Variants in MCUB observed in about 807,000 individuals in gnomAD.
The protein encoded by MCUB is calcium uniporter regulatory subunit MCUb, mitochondrial.
MCUB carries 46 observed loss-of-function variants against 41.4 expected under a neutral mutation model. The ratio of observed to expected loss-of-function variants is 1.11; its 90% confidence interval spans 0.88 to 1.42. The LOEUF is 1.42. Among genes scored for constraint, MCUB ranks in the 40% most tolerant of loss-of-function variants. MCUB has a pLI of 0.00. For missense variants in MCUB, 403 were observed against 404.9 expected, an observed-to-expected ratio of 1.00 and a Z score of 0.04; for synonymous variants, 148 against 148.2, an observed-to-expected ratio of 1.00 and a Z score of 0.01.
chr4:109,611,645 T>G (rs1263376235), intron 1 of MCUB, among the ~76,000 whole-genome samples: 1 of 152,160 alleles, frequency 6.6e-6, no homozygotes, highest in Non-Finnish European at 1.5e-5. Flanking sequence ...CAAGTGAGGA[T>G]TTTTCAAAAT....
chr4:109,655,448 T>C (rs559260397), intron 1 of MCUB, among the ~76,000 whole-genome samples: 5 of 152,268 alleles, frequency 3.3e-5, no homozygotes, highest in Non-Finnish European at 7.4e-5. Flanking sequence ...CATTCTAGGC[T>C]TTTAATCAAG....
chr4:109,669,518 G>A (rs1355134185), intron 4 of MCUB, among the ~76,000 whole-genome samples: 1 of 151,868 alleles, frequency 6.6e-6, no homozygotes, highest in Admixed American at 6.6e-5. Flanking sequence ...CATTTGTTCT[G>A]CTTGTGTTCT....
At chr4:109,662,389 T>C (rs1290256073) in intron 3 of MCUB, among the ~76,000 whole-genome samples, 1 of 152,228 alleles carries the variant, frequency 6.6e-6, no homozygotes, top group Non-Finnish European at 1.5e-5. Flanking sequence ...TGAGCAGCAC[T>C]TGCCTGGTGG....
intron 1 of MCUB, among the ~76,000 whole-genome samples, chr4:109,606,406 G>A (rs1727872049): frequency 6.6e-6 from 1 of 151,856 alleles, no homozygotes; most frequent in Admixed American, 6.6e-5. Flanking sequence ...TTGTTTTGTG[G>A]TTGTTTTGTG....
chr4:109,610,698 T>C (rs964237979), intron 1 of MCUB, among the ~76,000 whole-genome samples: 3 of 152,204 alleles, frequency 2.0e-5, no homozygotes, highest in African/African-American at 7.2e-5. Context: ...TTCATCATTA[T>C]GCGAACATCA....
chr4:109,569,201 C>G (rs1312089819), intron 1 of MCUB, among the ~76,000 whole-genome samples: 1 of 151,756 alleles, frequency 6.6e-6, no homozygotes, highest in African/African-American at 2.4e-5. Context: ...TGCCTGCCAC[C>G]ACGCCCGGCC....
At chr4:109,630,111 A>G (rs1728441870) in intron 1 of MCUB, among the ~76,000 whole-genome samples, 1 of 151,882 alleles carries the variant, frequency 6.6e-6, no homozygotes, top group Admixed American at 6.6e-5. Context: ...TAGACCAAAT[A>G]TATATTTCAT....
rs143303256 is a variant in MCUB, at chr4:109,580,397, T to C, written c.99+19961T>C. Among the ~76,000 whole-genome samples, 891 of 152,346 alleles carry C rather than the reference T, an allele frequency of 5.8e-3. 29 individuals carry two copies. The South Asian group carries it at 0.072, about 12-fold the overall frequency. On this transcript the variant is annotated intron_variant, in intron 1 of 7. Transcript: ENST00000394650. ...TGTAATCCTTTGGGTATATACCCAGTAATGGGATGGCTGGGTCAAATGGTA... is the reference window on the plus strand; with the variant it reads ...TGTAATCCTTTGGGTATATACCCAGCAATGGGATGGCTGGGTCAAATGGTA...
intron 1 of MCUB, among the ~76,000 whole-genome samples, chr4:109,599,773 A>G (rs1195364028): frequency 6.6e-6 from 1 of 152,068 alleles, no homozygotes; most frequent in Non-Finnish European, 1.5e-5. Context: ...GGTTCAAGCA[A>G]TTCTCCTGCC....
Position 109,687,799 on chromosome 4 carries a change from T to TATC in MCUB, c.*209_*211dup. 1.8e-6 allele frequency: 1 copy of TATC among 545,530 alleles called. No homozygotes were observed. The allele number at this position is 545,530 out of a possible 1,614,324, so 33.8% of individuals were successfully genotyped here. ...ATGTTAGAAAGGGCTTGTATGCGTC[T>TATC]ATCAAAGCAACGGTGGCTGCTGTTA... On this transcript the variant is annotated 3_prime_UTR_variant, in exon 8 of 8. Coordinates refer to ENST00000394650, the MANE Select transcript of MCUB (RefSeq NM_017918.5).
chr4:109,662,212 C>G lies in MCUB; in HGVS notation c.346+1847C>G, dbSNP rs528482386. Among the ~76,000 whole-genome samples, 6 of 152,316 alleles carry G rather than the reference C, an allele frequency of 3.9e-5. No homozygotes were observed. The East Asian group carries it at 1.2e-3, about 29-fold the overall frequency. On this transcript the variant is annotated intron_variant, in intron 3 of 7. Transcript: ENST00000394650. Reference sequence around the variant, plus strand: ...TGGATCAGAGAATAAGGTTTTAGCCCTATGGCACAATGGGCTTCCTAATAT... The same window carrying G: ...TGGATCAGAGAATAAGGTTTTAGCCGTATGGCACAATGGGCTTCCTAATAT...
At chr4:109,627,081 A>T (rs918292963) in intron 1 of MCUB, among the ~76,000 whole-genome samples, 46 of 152,208 alleles carry the variant, frequency 3.0e-4, no homozygotes, top group African/African-American at 1.1e-3. Flanking sequence ...TGGATGAATT[A>T]TGAACATTTG....
intron 1 of MCUB, among the ~76,000 whole-genome samples, chr4:109,642,864 A>G (rs187753845): frequency 2.0e-4 from 30 of 148,256 alleles, no homozygotes; most frequent in Admixed American, 6.7e-5. Context: ...TATGTAGTAG[A>G]GTTATTGATA....
chr4:109,632,615 C>CT (rs33926597), intron 1 of MCUB, among the ~76,000 whole-genome samples: 16,185 of 116,800 alleles, frequency 0.14, 1,786 homozygotes, highest in African/African-American at 0.27. Context: ...TCTGTCATTG[C>CT]TTTTTTTTTT....
At chr4:109,650,054 C>T (rs1029453) in intron 1 of MCUB, among the ~76,000 whole-genome samples, 1 of 152,006 alleles carries the variant, frequency 6.6e-6, no homozygotes, top group Non-Finnish European at 1.5e-5. Flanking sequence ...ACTATCATAT[C>T]CCCCTATCAA....
chr4:109,667,394 A>G (rs982923209), intron 4 of MCUB, among the ~76,000 whole-genome samples: 5 of 151,794 alleles, frequency 3.3e-5, no homozygotes, highest in African/African-American at 1.2e-4. Flanking sequence ...GTATTTCTTT[A>G]TTTTCCTTTT....
At chr4:109,597,133 T>C (rs1295198765) in intron 1 of MCUB, among the ~76,000 whole-genome samples, 12 of 151,688 alleles carry the variant, frequency 7.9e-5, no homozygotes, top group Admixed American at 6.6e-5. Context: ...TGTCTACTTC[T>C]TTCTACACAG....
At chr4:109,603,318 G>A (rs197210) in intron 1 of MCUB, among the ~76,000 whole-genome samples, 80,546 of 151,928 alleles carry the variant, frequency 0.53, 21,654 homozygotes, top group South Asian at 0.69. Context: ...GCTGGTCTCC[G>A]GCTCCTGACC....
chr4:109,587,488 G>A (rs993068950), intron 1 of MCUB, among the ~76,000 whole-genome samples: 2 of 152,322 alleles, frequency 1.3e-5, no homozygotes, highest in Non-Finnish European at 1.5e-5. Context: ...CAGTCCCAAT[G>A]AGATGAGCCA....
Sources: gnomAD v4.1 joint callset for allele counts (sites outside exome capture counted in the v4.1 genomes callset) on GRCh38, gnomAD v4.1.1 for gene constraint, MANE v1.5 for transcripts, NCBI Gene and HGNC (gene_info 2026-07-23, HGNC 2026-07-21) for gene names.